The following MNAT1 variants were observed in gnomAD, a reference collection of about 807,000 sequenced individuals.
MNAT1 encodes the protein CDK-activating kinase assembly factor MAT1.
In MNAT1, 43 loss-of-function variants were observed where a neutral mutation model predicts 42.0. The observed-to-expected ratio is 1.02, with a 90% CI of 0.80 to 1.32. The LOEUF (loss-of-function observed/expected upper bound fraction) is 1.32, where lower values mean the gene tolerates loss of function less well. MNAT1 is among the 40% of genes most tolerant of loss of function. The probability of loss-of-function intolerance (pLI) is 0.00; values close to 1 mark genes in which losing one functional copy is unlikely to be tolerated. For synonymous variants in MNAT1, 118 were observed against 120.0 expected, an observed-to-expected ratio of 0.98 and a Z score of 0.11; for missense variants, 306 against 350.4, an observed-to-expected ratio of 0.87 and a Z score of 1.01.
chr14:60,783,933 G>A (rs2031551822), intron 1 of MNAT1, among the ~76,000 whole-genome samples: 1 of 151,326 alleles, frequency 6.6e-6, no homozygotes, highest in South Asian at 2.1e-4. Flanking sequence ...GGGCTCAAGC[G>A]ATCCTTGCAC....
At chr14:60,754,644 TG>T (rs1386645715) in intron 1 of MNAT1, among the ~76,000 whole-genome samples, 1 of 152,136 alleles carries the variant, frequency 6.6e-6, no homozygotes, top group Non-Finnish European at 1.5e-5. Context: ...CCACCGCGCC[TG>T]GCAATAGGGA....
intron 2 of MNAT1, among the ~76,000 whole-genome samples, 185 bp downstream of exon 2, chr14:60,796,554 G>C (rs1011039536): frequency 6.6e-6 from 1 of 152,084 alleles, no homozygotes. Context: ...TTGATTGATG[G>C]CTTCATTATT....
At chr14:60,937,753 C>T (rs1460862258) in intron 7 of MNAT1, among the ~76,000 whole-genome samples, 1 of 151,806 alleles carries the variant, frequency 6.6e-6, no homozygotes, top group African/African-American at 2.4e-5. Flanking sequence ...GTAGTTTTTT[C>T]CAATTCTGTG....
At chr14:60,946,217 A>G (rs939378953) in intron 7 of MNAT1, among the ~76,000 whole-genome samples, 1 of 152,178 alleles carries the variant, frequency 6.6e-6, no homozygotes, top group Non-Finnish European at 1.5e-5. Context: ...TTAAAACCAC[A>G]TAGTCGCTTC....
At chr14:60,937,179 C>G (rs1240714396) in intron 7 of MNAT1, among the ~76,000 whole-genome samples, 1 of 152,006 alleles carries the variant, frequency 6.6e-6, no homozygotes, top group African/African-American at 2.4e-5. Flanking sequence ...TGTAGGTTGC[C>G]TGTTCACTCT....
intron 1 of MNAT1, among the ~76,000 whole-genome samples, chr14:60,779,792 A>T (rs1396449013): frequency 6.6e-6 from 1 of 152,104 alleles, no homozygotes; most frequent in Non-Finnish European, 1.5e-5. Flanking sequence ...CTCAAAGAAA[A>T]AAAAAGAAAA....
In MNAT1 at chr14:60,879,794, T is replaced by C. The variant is rs2034511971; in HGVS notation, c.768T>C (p.Tyr256=). 16 of 1,613,364 alleles carry C rather than the reference T, an allele frequency of 9.9e-6. No individual in the cohort carries two copies. The highest frequency in any genetic ancestry group is 4.5e-5 in the East Asian group (2 of 44,794). Residue 256 remains tyrosine (Y), a synonymous_variant, in exon 7 of 8, where the codon TAT becomes TAC. Coordinates refer to ENST00000261245, the MANE Select transcript of MNAT1 (RefSeq NM_002431.4). ...ACCAGCCACTGCAGATAGAGACATATGGACCACATGTTCCTGAGCTTGAGA... is the reference window on the plus strand; with the variant it reads ...ACCAGCCACTGCAGATAGAGACATACGGACCACATGTTCCTGAGCTTGAGA... The part of the protein sequence containing the change: ...YEYQPLQIET[Y]GPHVPELEML...
At chr14:60,847,398 C>T (rs1398362623) in intron 6 of MNAT1, among the ~76,000 whole-genome samples, 10 of 142,022 alleles carry the variant, frequency 7.0e-5, no homozygotes, top group Middle Eastern at 7.7e-3. Context: ...AGTGAGACAA[C>T]GTCTCAAAAA....
intron 1 of MNAT1, among the ~76,000 whole-genome samples, chr14:60,789,970 CA>C (rs2031766798): frequency 6.6e-6 from 1 of 151,712 alleles, no homozygotes; most frequent in Admixed American, 6.6e-5. Flanking sequence ...CTATTTTCAC[CA>C]TAGTATATGA....
rs118066585 is a variant in MNAT1 at position 60,951,352 on chromosome 14, C to T, written c.810-16877C>T. ...TTTGGCTCATCTTTGCTCCTTACAT[C>T]CTGCTTTTCCCATTGGAGTTTAATT... On this transcript the variant is annotated intron_variant, in intron 7 of 7. Coordinates refer to ENST00000261245, the MANE Select transcript of MNAT1 (RefSeq NM_002431.4). Among the ~76,000 whole-genome samples, 6 of 137,248 alleles carry T rather than the reference C, an allele frequency of 4.4e-5. No homozygotes were observed. The East Asian group carries it at 1.4e-3, about 31-fold the overall frequency. The allele number at this position is 137,248 out of a possible 152,430, so 90.0% of individuals were successfully genotyped here.
At chr14:60,887,357 T>G (rs1014270100) in intron 7 of MNAT1, among the ~76,000 whole-genome samples, 6 of 150,542 alleles carry the variant, frequency 4.0e-5, no homozygotes, top group Non-Finnish European at 5.9e-5. Flanking sequence ...TCATTGAGCA[T>G]TAGGTATATC....
intron 6 of MNAT1, among the ~76,000 whole-genome samples, chr14:60,846,190 T>C (rs1184038299): frequency 6.6e-6 from 1 of 151,960 alleles, no homozygotes; most frequent in Non-Finnish European, 1.5e-5. Context: ...CTTCATTCCT[T>C]GTCTTGATAT....
chr14:60,940,940 T>C (rs2036143641), intron 7 of MNAT1, among the ~76,000 whole-genome samples: 1 of 152,236 alleles, frequency 6.6e-6, no homozygotes, highest in Non-Finnish European at 1.5e-5. Flanking sequence ...ATATAGTTTC[T>C]ATTGAAATAT....
rs2029884760 is a variant in MNAT1, at chr14:60,747,435, T to G, written c.89+12484T>G. Among the ~76,000 whole-genome samples the G allele has an allele frequency of 1.3e-5, 2 of 152,202 alleles. 1 individual carries two copies. Among genetic ancestry groups the G allele is most frequent in the South Asian group, 4.1e-4 (2 of 4,836 alleles). Reference sequence around the variant, plus strand: ...AAGGTGTAGCTTATTGCTCCTAGGCTACAGGTCTGTATAGTGTGTTACTGT... The same window carrying G: ...AAGGTGTAGCTTATTGCTCCTAGGCGACAGGTCTGTATAGTGTGTTACTGT... On this transcript the variant is annotated intron_variant, in intron 1 of 7. Coordinates refer to ENST00000261245, the MANE Select transcript of MNAT1 (RefSeq NM_002431.4).
intron 4 of MNAT1, 136 bp from the exon 5 acceptor site, chr14:60,811,851 T>C: frequency 3.5e-6 from 2 of 574,820 alleles, no homozygotes; most frequent in Non-Finnish European, 5.7e-6. Context: ...TTTTCTTCAA[T>C]ATGGAATTGC....
At chr14:60,949,806 T>A (rs35183266) in intron 7 of MNAT1, among the ~76,000 whole-genome samples, 6,428 of 152,234 alleles carry the variant, frequency 0.042, 174 homozygotes, top group Non-Finnish European at 0.065. Context: ...TCTAAAGTGA[T>A]GTTTTTTCCA....
At chr14:60,903,626 T>A (rs1432453532) in intron 7 of MNAT1, among the ~76,000 whole-genome samples, 1 of 152,198 alleles carries the variant, frequency 6.6e-6, no homozygotes, top group African/African-American at 2.4e-5. Context: ...TATAATCTGC[T>A]TTCACTGTGA....
At chr14:60,782,544 C>T (rs941887189) in intron 1 of MNAT1, among the ~76,000 whole-genome samples, 1 of 152,126 alleles carries the variant, frequency 6.6e-6, no homozygotes, top group Non-Finnish European at 1.5e-5. Flanking sequence ...TTACTGGCTC[C>T]TTTGAAATCT....
intron 7 of MNAT1, among the ~76,000 whole-genome samples, chr14:60,906,342 AATTT>A (rs2035199276): frequency 5.9e-5 from 9 of 152,284 alleles, no homozygotes; most frequent in Admixed American, 5.2e-4. Flanking sequence ...GTCATAGGAG[AATTT>A]TGAACAGAAG....
Sources: gnomAD v4.1 joint callset for allele counts (sites outside exome capture counted in the v4.1 genomes callset) on GRCh38, gnomAD v4.1.1 for gene constraint, MANE v1.5 for transcripts, NCBI Gene and HGNC (gene_info 2026-07-23, HGNC 2026-07-21) for gene names.